Variants in ERBB4 observed in about 807,000 individuals in gnomAD.
ERBB4 encodes erb-b2 receptor tyrosine kinase 4.
Under a neutral mutation model 158.0 loss-of-function variants are expected in ERBB4, and 42 were observed. The observed-to-expected ratio is 0.27, with a 90% CI of 0.21 to 0.34. ERBB4 has a LOEUF of 0.34. Among genes scored for constraint, ERBB4 ranks in the 10% least tolerant of loss-of-function variants. The pLI is 1.00. For missense variants in ERBB4, 1,333 were observed against 1,624.1 expected (o/e 0.82, Z 3.08); for synonymous variants, 583 against 558.7 (o/e 1.04, Z -0.61).
intron 2 of ERBB4, among the ~76,000 whole-genome samples, chr2:212,051,846 T>G (rs2125397323): frequency 6.6e-6 from 1 of 152,312 alleles, no homozygotes; most frequent in Admixed American, 6.5e-5. Flanking sequence ...TATTACAATA[T>G]CATTCTTAAA....
chr2:211,562,225 T>A (rs2067416029), intron 19 of ERBB4, 137 bp from the exon 20 acceptor site: 1 of 727,072 alleles, frequency 1.4e-6, no homozygotes. Context: ...TGAAAAGACA[T>A]AATTTCAGTT....
At chr2:212,107,371 G>A (rs982092330) in intron 2 of ERBB4, among the ~76,000 whole-genome samples, 1 of 152,084 alleles carries the variant, frequency 6.6e-6, no homozygotes, top group Non-Finnish European at 1.5e-5. Flanking sequence ...TTGCATGGGG[G>A]ACTTTAGCCC....
chr2:212,478,083 T>C (rs1689498334), intron 1 of ERBB4, among the ~76,000 whole-genome samples: 1 of 152,164 alleles, frequency 6.6e-6, no homozygotes, highest in Non-Finnish European at 1.5e-5. Context: ...ATCAACTAAC[T>C]TGAGTTCTGT....
intron 3 of ERBB4, among the ~76,000 whole-genome samples, chr2:211,911,495 G>A (rs1425076863): frequency 6.6e-6 from 1 of 151,896 alleles, no homozygotes; most frequent in African/African-American, 2.4e-5. Flanking sequence ...CCAGCTCCTG[G>A]GTTCAAGCAA....
chr2:212,274,885 C>T (rs2085470862), intron 1 of ERBB4, among the ~76,000 whole-genome samples: 1 of 151,722 alleles, frequency 6.6e-6, no homozygotes, highest in African/African-American at 2.4e-5. Flanking sequence ...AACCCGTCAT[C>T]TACATTAGGT....
rs192563245 is a variant in ERBB4, at chr2:212,305,278, T to C, written c.83-180375A>G. Among the ~76,000 whole-genome samples, 124 of 151,500 alleles carry C rather than the reference T, an allele frequency of 8.2e-4. 1 individual carries two copies. Among genetic ancestry groups the C allele is most frequent in the African/African-American group, 2.7e-3 (110 of 41,486 alleles). The stretch of plus-strand genomic sequence containing the variant: ...AAAACTAATTGGTCTATTATCAGTA[T>C]TAATGTATGCTGTTTAGTGAGGACG... On this transcript the variant is annotated intron_variant, in intron 1 of 27. Coordinates refer to ENST00000342788, the MANE Select transcript of ERBB4 (RefSeq NM_005235.3).
At chr2:212,172,856 C>A (rs139741227) in intron 1 of ERBB4, among the ~76,000 whole-genome samples, 1 of 151,852 alleles carries the variant, frequency 6.6e-6, no homozygotes, top group Non-Finnish European at 1.5e-5. Context: ...CTGGGTGATG[C>A]GATGATTTGT....
At chr2:211,414,583 A>C (rs889397176) in intron 25 of ERBB4, among the ~76,000 whole-genome samples, 1 of 152,050 alleles carries the variant, frequency 6.6e-6, no homozygotes, top group African/African-American at 2.4e-5. Flanking sequence ...TAATCAGGCA[A>C]TATTTTAAAA....
intron 20 of ERBB4, among the ~76,000 whole-genome samples, chr2:211,464,943 G>A (rs2064636523): frequency 6.7e-6 from 1 of 149,728 alleles, no homozygotes; most frequent in African/African-American, 2.5e-5. Context: ...AGGATAATAA[G>A]AGGCCCACTG....
chr2:211,593,163 G>C (rs1416658343), intron 19 of ERBB4, among the ~76,000 whole-genome samples: 1 of 152,096 alleles, frequency 6.6e-6, no homozygotes, highest in East Asian at 1.9e-4. Context: ...AAGCAGATTG[G>C]ATAGCCTTAA....
At chr2:211,674,956 A>C (rs2071999132) in intron 13 of ERBB4, among the ~76,000 whole-genome samples, 1 of 152,162 alleles carries the variant, frequency 6.6e-6, no homozygotes, top group Admixed American at 6.5e-5. Flanking sequence ...TGTATGTCAT[A>C]AAACAATCAT....
At chr2:211,424,069 A>G (rs1437365956) in intron 23 of ERBB4, 86 bp downstream of exon 23, 1 of 1,336,436 alleles carries the variant, frequency 7.5e-7, no homozygotes, top group African/African-American at 1.4e-5. Context: ...ATTTTTCAAT[A>G]CAGAGAAATG....
rs756074311 is a variant in ERBB4 at position 212,382,183 on chromosome 2, CATAT to C, written c.82+156262_82+156265del. Among the ~76,000 whole-genome samples the C allele has an allele frequency of 4.1e-5, 6 of 147,546 alleles. No homozygotes were observed. In the East Asian group the frequency reaches 5.8e-4, roughly 14 times the overall value. On this transcript the variant is annotated intron_variant, in intron 1 of 27. Transcript: ENST00000342788. ...TATATATTATACACATGCACACATA[CATAT>C]AAACACATATAAATATATATTATAC...
chr2:211,624,142 A>G, intron 17 of ERBB4, 98 bp from the exon 18 acceptor site: 2 of 1,419,942 alleles, frequency 1.4e-6, no homozygotes. Context: ...TCTTTCTTAC[A>G]AAGAAAAACA....
chr2:211,864,518 A>C (rs1373499111), intron 3 of ERBB4, among the ~76,000 whole-genome samples: 2 of 152,220 alleles, frequency 1.3e-5, no homozygotes. Context: ...TGAAAAGCTC[A>C]AGATGCTGAC....
intron 1 of ERBB4, among the ~76,000 whole-genome samples, chr2:212,417,528 C>T (rs1298349747): frequency 1.3e-5 from 2 of 152,022 alleles, no homozygotes; most frequent in Non-Finnish European, 2.9e-5. Flanking sequence ...AAATTGTCTA[C>T]TGACTCATTT....
At chr2:212,071,477 T>A (rs2078116671) in intron 2 of ERBB4, among the ~76,000 whole-genome samples, 1 of 151,946 alleles carries the variant, frequency 6.6e-6, no homozygotes, top group Non-Finnish European at 1.5e-5. Context: ...CTAAGGTTTT[T>A]CAAGAATATT....
chr2:211,718,570 G>A (rs2073997063), intron 7 of ERBB4, among the ~76,000 whole-genome samples: 1 of 152,130 alleles, frequency 6.6e-6, no homozygotes, highest in South Asian at 2.1e-4. Context: ...CACAGTTTGT[G>A]TACACTGAAC....
chr2:211,408,995 C>CTAGAG lies in ERBB4; in HGVS notation c.3135+11441_3135+11445dup, dbSNP rs2063201032. Among the ~76,000 whole-genome samples the CTAGAG allele has an allele frequency of 4.6e-5, 7 of 152,166 alleles. No homozygotes were observed. The South Asian group carries it at 1.5e-3, about 32-fold the overall frequency. On this transcript the variant is annotated intron_variant, in intron 25 of 27. Transcript: ENST00000342788. The stretch of plus-strand genomic sequence containing the variant: ...ATTTTTCAAAATAGTACTTCGTAGT[C>CTAGAG]TAGAGTAAAACGAAAAAGGCTTCAT...
Sources: gnomAD v4.1 joint callset for allele counts (sites outside exome capture counted in the v4.1 genomes callset) on GRCh38, gnomAD v4.1.1 for gene constraint, MANE v1.5 for transcripts, NCBI Gene and HGNC (gene_info 2026-07-23, HGNC 2026-07-21) for gene names.